MPPED1: variants seen among roughly 807,000 people sequenced by gnomAD.
The protein encoded by MPPED1 is metallophosphoesterase domain containing 1.
MPPED1 carries 16 observed loss-of-function variants against 36.2 expected under a neutral mutation model. The ratio of observed to expected loss-of-function variants is 0.44; its 90% confidence interval spans 0.30 to 0.67. The LOEUF is 0.67. Ranked by LOEUF, MPPED1 falls within the 30% of genes least tolerant of loss-of-function variation. The probability of loss-of-function intolerance (pLI) is 0.10; values close to 1 mark genes in which losing one functional copy is unlikely to be tolerated. For synonymous variants in MPPED1, 199 were observed against 191.3 expected (o/e 1.04, Z -0.33); for missense variants, 307 against 453.4 (o/e 0.68, Z 2.93).
At chr22:43,433,058 CTG>C (rs986391417) in intron 2 of MPPED1, among the ~76,000 whole-genome samples, 8 of 152,136 alleles carry the variant, frequency 5.3e-5, no homozygotes, top group Admixed American at 1.3e-4. Context: ...GTCTGATCAG[CTG>C]TGTGTGGGGG....
chr22:43,472,322 G>A (rs941419398), intron 3 of MPPED1, among the ~76,000 whole-genome samples: 1 of 152,172 alleles, frequency 6.6e-6, no homozygotes, highest in Non-Finnish European at 1.5e-5. Context: ...CTCTGGCCCA[G>A]GGAAGCTCTT....
intron 3 of MPPED1, among the ~76,000 whole-genome samples, chr22:43,461,350 T>C (rs1345823873): frequency 6.6e-6 from 1 of 152,228 alleles, no homozygotes; most frequent in Non-Finnish European, 1.5e-5. Flanking sequence ...ATTTTCAGGC[T>C]ACTACAGGCT....
rs150645052 is a variant in MPPED1, at chr22:43,494,042, G to A, written c.633-4193G>A. Among the ~76,000 whole-genome samples the A allele has an allele frequency of 7.0e-3, 1,069 of 152,214 alleles. 9 individuals carry two copies. The highest frequency in any genetic ancestry group is 0.011 in the Non-Finnish European group (753 of 68,008). Reference sequence around the variant, plus strand: ...CTTCCGGGCCACTCTTCTAGCTGCTGCTTTATTTTGAGACAGGGTCTTGCT... The same window carrying A: ...CTTCCGGGCCACTCTTCTAGCTGCTACTTTATTTTGAGACAGGGTCTTGCT... On this transcript the variant is annotated intron_variant, in intron 4 of 6. Coordinates refer to ENST00000443721, the MANE Select transcript of MPPED1 (RefSeq NM_001044370.2).
chr22:43,442,699 A>T (rs560455670), intron 3 of MPPED1, among the ~76,000 whole-genome samples: 4 of 152,022 alleles, frequency 2.6e-5, no homozygotes, highest in Non-Finnish European at 4.4e-5. Flanking sequence ...GAGGTCAGGG[A>T]TGTGGGGCCA....
chr22:43,497,934 T>TATATATATATATATAC (rs1932479906), intron 4 of MPPED1, among the ~76,000 whole-genome samples: 1 of 121,226 alleles, frequency 8.2e-6, no homozygotes, highest in African/African-American at 4.2e-5. Context: ...TATATGTATA[T>TATATATATATATATAC]GTATATATAT....
chr22:43,425,048 C>T lies in MPPED1; in HGVS notation c.63C>T (p.Cys21=), dbSNP rs780341898. ...CGGAGGCCCTGGCCCTCCTCCCCTG[C>T]GGCCTGGGCATGGCATTCTCCCAGT... ...LKAEALALLP[C]GLGMAFSQSH... The change falls in exon 2 of 7, where the codon TGC becomes TGT. Residue 21 remains cysteine, a synonymous_variant. Coordinates refer to ENST00000443721, the MANE Select transcript of MPPED1 (RefSeq NM_001044370.2). The T allele has an allele frequency of 2.5e-5, 40 of 1,612,376 alleles. No homozygotes were observed. The highest frequency in any genetic ancestry group is 5.5e-5 in the South Asian group (5 of 90,854).
chr22:43,504,364 A>G (rs369781058), intron 6 of MPPED1, among the ~76,000 whole-genome samples: 2 of 152,104 alleles, frequency 1.3e-5, no homozygotes, highest in African/African-American at 4.8e-5. Flanking sequence ...GACAATGATG[A>G]TGATGATAGT....
chr22:43,483,260 G>A (rs1286685460), intron 4 of MPPED1, among the ~76,000 whole-genome samples: 1 of 152,240 alleles, frequency 6.6e-6, no homozygotes, highest in African/African-American at 2.4e-5. Context: ...CCACCAGAAC[G>A]GGGCCGAGTC....
At chr22:43,475,586 G>GA (rs2146886322) in intron 4 of MPPED1, among the ~76,000 whole-genome samples, 2 of 135,426 alleles carry the variant, frequency 1.5e-5, no homozygotes, top group East Asian at 2.3e-4. Context: ...GGTGGTGGTG[G>GA]TGGTGGTGAT....
intron 3 of MPPED1, among the ~76,000 whole-genome samples, chr22:43,450,647 G>T (rs1333585868): frequency 6.6e-6 from 1 of 152,218 alleles, no homozygotes; most frequent in Admixed American, 6.5e-5. Flanking sequence ...GGCAGCCATT[G>T]CTCTGGTGGT....
At position 43,449,045 on chromosome 22, in the gene MPPED1, T is replaced by C. The variant is rs572118673; in HGVS notation, c.406+13830T>C. On this transcript the variant is annotated intron_variant, in intron 3 of 6. Transcript: ENST00000443721. The stretch of plus-strand genomic sequence containing the variant: ...CGGTTTTGATATTTATGGTCAGCAG[T>C]AAAGCTTTATAGGCTTAGGACTAAC... 1.2e-3 allele frequency among the ~76,000 whole-genome samples: 187 copies of C among 152,282 alleles called. 1 individual carries two copies. The highest frequency in any genetic ancestry group is 2.4e-3 in the Non-Finnish European group (162 of 68,028).
chr22:43,476,576 G>A (rs1000883137), intron 4 of MPPED1, among the ~76,000 whole-genome samples: 1 of 152,138 alleles, frequency 6.6e-6, no homozygotes, highest in Non-Finnish European at 1.5e-5. Context: ...ACCACCTAGT[G>A]GCTGGAGGCG....
chr22:43,447,476 C>T (rs1178438853), intron 3 of MPPED1, among the ~76,000 whole-genome samples: 4 of 152,080 alleles, frequency 2.6e-5, no homozygotes, highest in Non-Finnish European at 5.9e-5. Flanking sequence ...CCACCATCTC[C>T]CTGTCTATGC....
intron 3 of MPPED1, among the ~76,000 whole-genome samples, chr22:43,442,726 C>T (rs1930193371): frequency 1.3e-5 from 2 of 152,298 alleles, no homozygotes; most frequent in South Asian, 4.1e-4. Context: ...ATTCTGCCCT[C>T]ATCAGCCAGC....
Position 43,507,794 on chromosome 22 carries a change from T to G in MPPED1, c.*2178T>G, listed in dbSNP as rs76188214. Reference sequence around the variant, plus strand: ...GCATAACTTGATTGTGGCTGTAATTTTTTTTTTTTTTTTTGTCAAGCATGT... The same window carrying G: ...GCATAACTTGATTGTGGCTGTAATTGTTTTTTTTTTTTTTGTCAAGCATGT... On this transcript the variant is annotated 3_prime_UTR_variant, in exon 7 of 7. Coordinates refer to ENST00000443721, the MANE Select transcript of MPPED1 (RefSeq NM_001044370.2). 1 of 100,178 alleles carries G rather than the reference T, an allele frequency of 1.0e-5. No individual in the cohort carries two copies. Among genetic ancestry groups the G allele is most frequent in the African/African-American group, 3.6e-5 (1 of 27,972 alleles). 6.2% of individuals were successfully genotyped at this position (100,178 alleles called of 1,614,324 possible).
At chr22:43,433,762 A>G (rs1156658273) in intron 2 of MPPED1, among the ~76,000 whole-genome samples, 4 of 5,060 alleles carry the variant, frequency 7.9e-4, no homozygotes, top group East Asian at 3.3e-3. Context: ...TATTGTCTGA[A>G]AAAAAAAAAA....
At position 43,434,900 on chromosome 22, in the gene MPPED1, G is replaced by A. The variant is rs75567702; in HGVS notation, c.225-134G>A. The A allele has an allele frequency of 7.2e-3, 6,760 of 941,500 alleles. 283 individuals carry two copies. The African/African-American group carries it at 0.098, about 14-fold the overall frequency. The allele number at this position is 941,500 out of a possible 1,614,324, so 58.3% of individuals were successfully genotyped here. ...GGGTGGACCCCTGGGAAGGCTGGGC[G>A]TCCAGTCCCTGGTCTGGTGGATCTG... On this transcript the variant is annotated intron_variant, in intron 2 of 6. Coordinates refer to ENST00000443721, the MANE Select transcript of MPPED1 (RefSeq NM_001044370.2).
intron 2 of MPPED1, among the ~76,000 whole-genome samples, chr22:43,432,811 GGAGA>G (rs1263095591): frequency 4.8e-5 from 2 of 41,412 alleles, no homozygotes; most frequent in African/African-American, 2.1e-4. Context: ...GAGAAAGGGA[GGAGA>G]GAGAGAGAAA....
At chr22:43,465,080 G>A (rs527950187) in intron 3 of MPPED1, among the ~76,000 whole-genome samples, 4 of 152,234 alleles carry the variant, frequency 2.6e-5, no homozygotes, top group South Asian at 2.1e-4. Context: ...GGACCTTTAT[G>A]TCACGTCTTC....
Sources: gnomAD v4.1 joint callset for allele counts (sites outside exome capture counted in the v4.1 genomes callset) on GRCh38, gnomAD v4.1.1 for gene constraint, MANE v1.5 for transcripts, NCBI Gene and HGNC (gene_info 2026-07-23, HGNC 2026-07-21) for gene names.